Variants in POLR2F observed in about 807,000 individuals in gnomAD.
POLR2F encodes the protein DNA-directed RNA polymerases I, II, and III subunit RPABC2.
A neutral mutation model predicts 22.7 loss-of-function variants in POLR2F; 12 were observed. The ratio of observed to expected loss-of-function variants is 0.53; its 90% CI spans 0.34 to 0.86. The LOEUF is 0.86. Among genes scored for constraint, POLR2F ranks in the 40% least tolerant of loss-of-function variants. The pLI is 0.02. For missense variants in POLR2F, 126 were observed against 171.5 expected, an observed-to-expected ratio of 0.73 and a Z score of 1.48; for synonymous variants, 57 against 66.0, an observed-to-expected ratio of 0.86 and a Z score of 0.66.
intron 1 of POLR2F, among the ~76,000 whole-genome samples, chr22:38,019,354 C>T (rs1355251803): frequency 1.3e-5 from 2 of 152,134 alleles, no homozygotes; most frequent in South Asian, 4.1e-4. Flanking sequence ...CCTGGGCAAC[C>T]ATCAGCTGAG....
At chr22:37,982,029 C>T (rs576192805), upstream of POLR2F, among the ~76,000 whole-genome samples, 1 of 152,358 alleles carries the variant, frequency 6.6e-6, no homozygotes, top group Admixed American at 6.5e-5. Context: ...CTCTACCCAA[C>T]TGTGGCTGGC....
chr22:37,953,718 T>G lies in POLR2F; in HGVS notation c.-70T>G. On this transcript the variant is annotated 5_prime_UTR_variant, in exon 1 of 5. Transcript: ENST00000442738. Reference sequence around the variant, plus strand: ...CAAGATAAGCTAGGAGCCGCGCGAGTCGTAGTGTCGCTGTTTGCGGGTCTC... The same window carrying G: ...CAAGATAAGCTAGGAGCCGCGCGAGGCGTAGTGTCGCTGTTTGCGGGTCTC... 2.6e-6 allele frequency: 4 copies of G among 1,560,916 alleles called. No homozygotes were observed. The highest frequency in any genetic ancestry group is 2.3e-5 in the South Asian group (2 of 86,068).
At chr22:37,957,973 GT>G (rs1465647254) in intron 2 of POLR2F, among the ~76,000 whole-genome samples, 1 of 152,058 alleles carries the variant, frequency 6.6e-6, no homozygotes, top group African/African-American at 2.4e-5. Flanking sequence ...CTTTCTTTCT[GT>G]TTTTTGTTGT....
chr22:37,985,291 C>A (rs2145780207), upstream of POLR2F: 1 of 152,258 alleles, frequency 6.6e-6, no homozygotes, highest in East Asian at 1.9e-4. Flanking sequence ...TACTGGGACC[C>A]AGCTCCTTCC....
At chr22:37,962,056 C>T (rs1931664546) in intron 3 of POLR2F, among the ~76,000 whole-genome samples, 1 of 152,182 alleles carries the variant, frequency 6.6e-6, no homozygotes, top group African/African-American at 2.4e-5. Context: ...CATGGTGAAA[C>T]CCCATCTCTA....
intron 1 of POLR2F, 101 bp from the exon 2 acceptor site, chr22:37,956,672 C>G (rs1450300255): frequency 5.3e-6 from 5 of 951,248 alleles, no homozygotes; most frequent in Admixed American, 1.8e-5. Context: ...CCACTTCAAT[C>G]TCCGAAAGTA....
At position 37,969,026 on chromosome 22, in the gene POLR2F, C is replaced by A; in HGVS notation, c.*1311C>A. The A allele has an allele frequency of 1.0e-6, 1 of 985,452 alleles. No homozygotes were observed. The highest frequency in any genetic ancestry group is 1.2e-6 in the Non-Finnish European group (1 of 829,962). The allele number at this position is 985,452 out of a possible 1,614,324, so 61.0% of individuals were successfully genotyped here. A position where few individuals can be genotyped will look rare whatever the true frequency, so the allele number is the denominator to read the frequency against. ...TTTGTGCTGGCATCCAGGCAGCCGC[C>A]CCAGAGTGCGGGGGTCACTTTCTCG... On this transcript the variant is annotated 3_prime_UTR_variant, in exon 5 of 5. Coordinates refer to ENST00000442738, the MANE Select transcript of POLR2F (RefSeq NM_021974.5).
At chr22:37,993,968 G>A (rs957519987) in intron 1 of POLR2F, among the ~76,000 whole-genome samples, 25 of 152,160 alleles carry the variant, frequency 1.6e-4, no homozygotes, top group African/African-American at 5.8e-4. Flanking sequence ...CAGCCTGGGC[G>A]ACAGAGCAAG....
intron 1 of POLR2F, among the ~76,000 whole-genome samples, chr22:38,013,434 C>T (rs937668549): frequency 1.3e-5 from 2 of 152,242 alleles, no homozygotes; most frequent in African/African-American, 2.4e-5. Flanking sequence ...GCGTGAGCCA[C>T]TACGCCCGGT....
At chr22:38,035,717 G>A (rs553731322) in intron 5 of POLR2F, among the ~76,000 whole-genome samples, 10 of 152,152 alleles carry the variant, frequency 6.6e-5, no homozygotes, top group Admixed American at 4.6e-4. Context: ...TGAGGCACCC[G>A]CCGGGCCACT....
chr22:37,971,799 C>A (rs1569166876), downstream of POLR2F, among the ~76,000 whole-genome samples: 2 of 152,094 alleles, frequency 1.3e-5, no homozygotes, highest in African/African-American at 2.4e-5. Flanking sequence ...CTCTTGAATT[C>A]TTTGCAAACT....
rs2084922122 is a variant in POLR2F, at chr22:38,017,053, C to T, written c.121-8816C>T. Among the ~76,000 whole-genome samples the T allele has an allele frequency of 6.6e-6, 1 of 152,328 alleles. No individual in the cohort carries two copies. Among genetic ancestry groups the T allele is most frequent in the South Asian group, 2.1e-4 (1 of 4,832 alleles). ...CCTGGCACCAGGTCCCCCCACCACTCTCCAGCCCTCCTGAGGCAGCTGTGG... is the reference window on the plus strand; with the variant it reads ...CCTGGCACCAGGTCCCCCCACCACTTTCCAGCCCTCCTGAGGCAGCTGTGG... On this transcript the variant is annotated intron_variant, in intron 1 of 2. Coordinates refer to the POLR2F transcript ENST00000333418. The surrounding 1 kb of genome is among the most constrained non-coding windows in gnomAD (Gnocchi z 4.1).
chr22:37,982,462 G>A (rs555078557), upstream of POLR2F, among the ~76,000 whole-genome samples: 74 of 152,300 alleles, frequency 4.9e-4, no homozygotes, highest in African/African-American at 1.7e-3. Context: ...GACCTGAGTC[G>A]AGGGTGGGAT....
intron 1 of POLR2F, among the ~76,000 whole-genome samples, chr22:38,007,331 C>T (rs933172386): frequency 1.3e-5 from 2 of 152,210 alleles, no homozygotes; most frequent in Non-Finnish European, 2.9e-5. Context: ...ATAGGGCAGA[C>T]CCTGAGGGGC....
At chr22:37,960,857 T>TC (rs1569162818) in intron 3 of POLR2F, among the ~76,000 whole-genome samples, 1 of 146,056 alleles carries the variant, frequency 6.8e-6, no homozygotes, top group Non-Finnish European at 1.5e-5. Context: ...TTTTCTTTTT[T>TC]TTTTTTTTTG....
intron 1 of POLR2F, among the ~76,000 whole-genome samples, chr22:38,015,843 G>T (rs981417402): frequency 6.6e-6 from 1 of 152,080 alleles, no homozygotes; most frequent in Non-Finnish European, 1.5e-5. Context: ...TGTGAGATAG[G>T]TATTATTATT....
At chr22:37,955,721 C>T (rs1431837612) in intron 1 of POLR2F, among the ~76,000 whole-genome samples, 2 of 152,060 alleles carry the variant, frequency 1.3e-5, no homozygotes, top group Non-Finnish European at 2.9e-5. Flanking sequence ...CTCGCTGTGT[C>T]ACCCAGGCTG....
At chr22:38,000,557 G>A (rs1348410454) in intron 1 of POLR2F, among the ~76,000 whole-genome samples, 3 of 152,224 alleles carry the variant, frequency 2.0e-5, no homozygotes, top group African/African-American at 2.4e-5. Flanking sequence ...CCTCGAGATG[G>A]TGCTGACCCT....
chr22:37,976,184 C>T (rs1283520455), intron 4 of POLR2F, among the ~76,000 whole-genome samples: 1 of 152,188 alleles, frequency 6.6e-6, no homozygotes, highest in Non-Finnish European at 1.5e-5. Flanking sequence ...GATGGCACCG[C>T]TGCACTGCAG....
Sources: gnomAD v4.1 joint callset for allele counts (sites outside exome capture counted in the v4.1 genomes callset) on GRCh38, gnomAD v4.1.1 for gene constraint, Gnocchi (gnomAD v3.1) non-coding constraint, MANE v1.5 for transcripts, NCBI Gene and HGNC (gene_info 2026-07-23, HGNC 2026-07-21) for gene names.